SOX6: variants seen among roughly 807,000 people sequenced by gnomAD.
SOX6 encodes the protein transcription factor SOX-6.
SOX6 carries 11 observed loss-of-function variants against 97.8 expected under a neutral mutation model. That is an observed-to-expected ratio of 0.11 (90% CI 0.07 to 0.19). The LOEUF is 0.19. Ranked by LOEUF, SOX6 falls within the 10% of genes least tolerant of loss-of-function variation. The pLI is 1.00. For synonymous variants in SOX6, 360 were observed against 371.4 expected (o/e 0.97, Z 0.35); for missense variants, 810 against 1,039.5 (o/e 0.78, Z 3.04).
intron 2 of SOX6, among the ~76,000 whole-genome samples, chr11:16,336,445 T>C (rs1482464819): frequency 6.6e-6 from 1 of 152,152 alleles, no homozygotes; most frequent in East Asian, 1.9e-4. Flanking sequence ...GTAAATTTTG[T>C]CTTCTTCAGA....
chr11:16,487,048 G>A (rs145849662), intron 4 of SOX6, among the ~76,000 whole-genome samples: 8 of 151,920 alleles, frequency 5.3e-5, no homozygotes, highest in Non-Finnish European at 7.4e-5. Flanking sequence ...AAAAACTCCC[G>A]GGCTAAAGAG....
chr11:16,286,911 C>G (rs1854760443), intron 3 of SOX6, among the ~76,000 whole-genome samples: 1 of 151,352 alleles, frequency 6.6e-6, no homozygotes, highest in Non-Finnish European at 1.5e-5. Flanking sequence ...ATGATAGGTC[C>G]ATAAGGGCTC....
chr11:16,507,215 A>C (rs1860803053), intron 4 of SOX6, among the ~76,000 whole-genome samples: 1 of 152,122 alleles, frequency 6.6e-6, no homozygotes, highest in Non-Finnish European at 1.5e-5. Context: ...CCTCCCCAGA[A>C]GCAGAAGCCT....
chr11:16,395,477 T>A (rs922765198), intron 1 of SOX6, among the ~76,000 whole-genome samples: 1 of 151,642 alleles, frequency 6.6e-6, no homozygotes, highest in African/African-American at 2.4e-5. Context: ...TATGTGAATA[T>A]CTTGGTGTAA....
chr11:16,400,383 G>A (rs1447193947), intron 1 of SOX6, among the ~76,000 whole-genome samples: 1 of 151,550 alleles, frequency 6.6e-6, no homozygotes, highest in Non-Finnish European at 1.5e-5. Context: ...GAAGTTTGGT[G>A]AGATCCTTAT....
At chr11:16,432,480 T>C (rs1859290031) in intron 1 of SOX6, among the ~76,000 whole-genome samples, 1 of 152,084 alleles carries the variant, frequency 6.6e-6, no homozygotes, top group Non-Finnish European at 1.5e-5. Context: ...CAAAATAAAT[T>C]AAAAAGGTTA....
chr11:16,435,596 A>C (rs928896832), intron 1 of SOX6, among the ~76,000 whole-genome samples: 1 of 152,144 alleles, frequency 6.6e-6, no homozygotes, highest in African/African-American at 2.4e-5. Flanking sequence ...AGGCCCTGCC[A>C]ACACCTTGAT....
intron 3 of SOX6, among the ~76,000 whole-genome samples, chr11:16,636,039 C>G (rs887691671): frequency 6.6e-6 from 1 of 152,218 alleles, no homozygotes; most frequent in African/African-American, 2.4e-5. Context: ...TCAGAGCCCC[C>G]ACACAGAGTC....
chr11:16,336,543 T>A (rs1856466354), intron 2 of SOX6, among the ~76,000 whole-genome samples: 1 of 152,186 alleles, frequency 6.6e-6, no homozygotes, highest in African/African-American at 2.4e-5. Flanking sequence ...ACCACTGCAA[T>A]GGTTTCCTAA....
chr11:16,067,217 T>C, intron 9 of SOX6, among the ~76,000 whole-genome samples: 1 of 152,158 alleles, frequency 6.6e-6, no homozygotes, highest in Non-Finnish European at 1.5e-5. Flanking sequence ...TGTTTTGAAA[T>C]GTGAAGACAT....
At chr11:16,269,317 T>C (rs1342163993) in intron 3 of SOX6, among the ~76,000 whole-genome samples, 1 of 150,904 alleles carries the variant, frequency 6.6e-6, no homozygotes, top group East Asian at 1.9e-4. Context: ...ACAGACTTTA[T>C]AGTTTGCTTT....
intron 1 of SOX6, chr11:16,738,396 T>G (rs969176476): frequency 1.5e-5 from 4 of 274,574 alleles, no homozygotes; most frequent in Non-Finnish European, 2.9e-5. Flanking sequence ...CCTCCTCCTG[T>G]GGCGACAAAG....
At chr11:16,082,535 A>G (rs1036569587) in intron 9 of SOX6, among the ~76,000 whole-genome samples, 21 of 152,260 alleles carry the variant, frequency 1.4e-4, no homozygotes, top group African/African-American at 5.1e-4. Flanking sequence ...GATTTCCCCA[A>G]ATCCCCAGGA....
intron 3 of SOX6, among the ~76,000 whole-genome samples, chr11:16,672,564 AAACT>A (rs1303102235): frequency 8.5e-5 from 13 of 152,212 alleles, no homozygotes; most frequent in Non-Finnish European, 1.9e-4. Context: ...CTGTGCAGGG[AAACT>A]CCAGTTTTTA....
chr11:16,498,872 A>G (rs1404533383), intron 4 of SOX6, among the ~76,000 whole-genome samples: 1 of 152,172 alleles, frequency 6.6e-6, no homozygotes, highest in Admixed American at 6.5e-5. Context: ...AGATTTTAAC[A>G]CCCCACTGTC....
At chr11:16,715,440 TAATA>T in intron 2 of SOX6, among the ~76,000 whole-genome samples, 2 of 152,320 alleles carry the variant, frequency 1.3e-5, no homozygotes, top group African/African-American at 4.8e-5. Flanking sequence ...TGTCTTGCTA[TAATA>T]AATAAGATTT....
chr11:16,570,937 T>C (rs1381527739), intron 4 of SOX6, among the ~76,000 whole-genome samples: 1 of 152,192 alleles, frequency 6.6e-6, no homozygotes, highest in Non-Finnish European at 1.5e-5. Flanking sequence ...GGATTATTGC[T>C]TTTAAATTTT....
chr11:16,106,930 G>A (rs1257439096), intron 7 of SOX6, among the ~76,000 whole-genome samples: 2 of 151,990 alleles, frequency 1.3e-5, no homozygotes, highest in Non-Finnish European at 2.9e-5. Context: ...AAAACTACTT[G>A]AATAGACAGT....
At chr11:16,592,108 A>T (rs1221317010) in intron 4 of SOX6, among the ~76,000 whole-genome samples, 1 of 151,978 alleles carries the variant, frequency 6.6e-6, no homozygotes, top group East Asian at 1.9e-4. Context: ...AAAATAGTAC[A>T]TGTCTAAAAT....
Sources: allele counts gnomAD v4.1 joint callset (sites outside exome capture counted in the v4.1 genomes callset), GRCh38; gene constraint gnomAD v4.1.1; transcripts MANE v1.5; gene names NCBI Gene and HGNC (gene_info 2026-07-23, HGNC 2026-07-21).